Variants in DPYD observed in about 807,000 individuals in gnomAD.
DPYD encodes dihydropyrimidine dehydrogenase [NADP(+)].
A neutral mutation model predicts 116.2 loss-of-function variants in DPYD; 109 were observed. The ratio of observed to expected loss-of-function variants is 0.94; its 90% CI spans 0.80 to 1.10. DPYD has a LOEUF of 1.10. Ranked by LOEUF, DPYD falls within the 50% of genes least tolerant of loss-of-function variation. The pLI is 0.00. For synonymous variants in DPYD, 440 were observed against 432.0 expected, an observed-to-expected ratio of 1.02 and a Z score of -0.23; for missense variants, 1,302 against 1,254.5, an observed-to-expected ratio of 1.04 and a Z score of -0.57.
chr1:97,819,938 G>C (rs1668830234), intron 3 of DPYD, among the ~76,000 whole-genome samples: 1 of 151,928 alleles, frequency 6.6e-6, no homozygotes, highest in South Asian at 2.1e-4. Flanking sequence ...ACCACATATA[G>C]AAATATGCAT....
chr1:97,627,980 G>T (rs1657032241), intron 8 of DPYD, among the ~76,000 whole-genome samples: 1 of 151,992 alleles, frequency 6.6e-6, no homozygotes, highest in Admixed American at 6.6e-5. Context: ...GTAACTATCT[G>T]CTAGCAAAAA....
chr1:97,633,245 A>T (rs1657375621), intron 8 of DPYD, among the ~76,000 whole-genome samples: 1 of 152,162 alleles, frequency 6.6e-6, no homozygotes, highest in Non-Finnish European at 1.5e-5. Flanking sequence ...CAAATATGAG[A>T]TAAAGATTAT....
At chr1:97,340,882 G>C (rs1669555049) in intron 16 of DPYD, among the ~76,000 whole-genome samples, 2 of 152,084 alleles carry the variant, frequency 1.3e-5, no homozygotes, top group Admixed American at 1.3e-4. Flanking sequence ...TGAATTACTT[G>C]ACATACAGTT....
chr1:97,401,289 T>A (rs1673363971), intron 14 of DPYD, among the ~76,000 whole-genome samples: 1 of 152,100 alleles, frequency 6.6e-6, no homozygotes, highest in African/African-American at 2.4e-5. Context: ...CTTGACATTA[T>A]CTTTCACTGA....
intron 14 of DPYD, among the ~76,000 whole-genome samples, chr1:97,424,209 G>C (rs1242113534): frequency 6.6e-6 from 1 of 152,124 alleles, no homozygotes; most frequent in Non-Finnish European, 1.5e-5. Context: ...CAAAGGATAT[G>C]TGGAAAGGAT....
chr1:97,195,598 GT>G (rs1658717374), intron 19 of DPYD, among the ~76,000 whole-genome samples: 2 of 70,336 alleles, frequency 2.8e-5, no homozygotes, highest in Non-Finnish European at 5.2e-5. Context: ...ATATATATGT[GT>G]GTGTGTGTAT....
chr1:97,230,721 G>A (rs143298048), intron 19 of DPYD, among the ~76,000 whole-genome samples: 17 of 152,282 alleles, frequency 1.1e-4, no homozygotes, highest in Middle Eastern at 3.4e-3. Context: ...GCAATGTGGC[G>A]TGGGTCTAAG....
In DPYD at chr1:97,590,742, G is replaced by C. The variant is rs182834339; in HGVS notation, c.1128+2476C>G. Among the ~76,000 whole-genome samples, 117 of 152,178 alleles carry C rather than the reference G, an allele frequency of 7.7e-4. No homozygotes were observed. The Middle Eastern group carries it at 0.02, about 27-fold the overall frequency. ...GGCAGCTGAGCTCTGGCCTTCCAAGGTGCTATGCCTCTACTCTGATCCTGT... is the reference window on the plus strand; with the variant it reads ...GGCAGCTGAGCTCTGGCCTTCCAAGCTGCTATGCCTCTACTCTGATCCTGT... On this transcript the variant is annotated intron_variant, in intron 10 of 22. Coordinates refer to ENST00000370192, the MANE Select transcript of DPYD (RefSeq NM_000110.4).
At chr1:97,371,647 A>T (rs1181969548) in intron 16 of DPYD, among the ~76,000 whole-genome samples, 2 of 152,242 alleles carry the variant, frequency 1.3e-5, no homozygotes, top group African/African-American at 4.8e-5. Flanking sequence ...CCTTCCCTTT[A>T]TTTAAAATAT....
intron 3 of DPYD, among the ~76,000 whole-genome samples, chr1:97,777,328 C>T (rs1666464091): frequency 6.6e-6 from 1 of 152,154 alleles, no homozygotes; most frequent in African/African-American, 2.4e-5. Context: ...TTATGAGCAA[C>T]TACAAAGCTG....
At chr1:97,331,389 G>A (rs1202249309) in intron 16 of DPYD, among the ~76,000 whole-genome samples, 1 of 152,110 alleles carries the variant, frequency 6.6e-6, no homozygotes, top group East Asian at 1.9e-4. Context: ...GCGGCAGGAG[G>A]CTCGCTTGAG....
intron 3 of DPYD, among the ~76,000 whole-genome samples, chr1:97,753,430 C>T (rs1054020268): frequency 6.6e-6 from 1 of 152,096 alleles, no homozygotes; most frequent in African/African-American, 2.4e-5. Context: ...AGATTCAGGA[C>T]TCTTATCCAG....
At position 97,078,818 on chromosome 1, in the gene DPYD, T is replaced by C; in HGVS notation, c.*158A>G. ...TTGAATGGTCATTGACATGAGACAT[T>C]TTTTACACTTACAAATGTATTTTGA... On this transcript the variant is annotated 3_prime_UTR_variant, in exon 23 of 23. Transcript: ENST00000370192. The C allele has an allele frequency of 1.2e-6, 1 of 861,006 alleles. No homozygotes were observed. The highest frequency in any genetic ancestry group is 1.8e-6 in the Non-Finnish European group (1 of 550,762). 53.3% of individuals were successfully genotyped at this position (861,006 alleles called of 1,614,324 possible).
At chr1:97,133,872 G>A (rs999428227) in intron 20 of DPYD, among the ~76,000 whole-genome samples, 9 of 150,232 alleles carry the variant, frequency 6.0e-5, no homozygotes, top group Non-Finnish European at 1.5e-5. Flanking sequence ...TACGGCATGC[G>A]CCTGTAGTCC....
intron 2 of DPYD, among the ~76,000 whole-genome samples, chr1:97,844,830 G>T (rs1042395178): frequency 6.6e-5 from 10 of 152,312 alleles, no homozygotes; most frequent in African/African-American, 2.2e-4. Context: ...TGCCCCTGCA[G>T]TCTCAGAAGT....
At chr1:97,271,011 C>A (rs577704330) in intron 18 of DPYD, among the ~76,000 whole-genome samples, 67 of 152,314 alleles carry the variant, frequency 4.4e-4, no homozygotes, top group African/African-American at 1.6e-3. Context: ...AATGATAAGT[C>A]CTTTGACAGA....
rs375798173 is a variant in DPYD, at chr1:97,155,757, G to A, written c.2622+37312C>T. On this transcript the variant is annotated intron_variant, in intron 20 of 22. Transcript: ENST00000370192. ...ATCTTTTTTCTGAGAATTGAAAGTA[G>A]TTCCCAAATTATAGCCAACTACAAA... 2.2e-3 allele frequency among the ~76,000 whole-genome samples: 337 copies of A among 152,188 alleles called. 1 individual carries two copies. Among genetic ancestry groups the A allele is most frequent in the Non-Finnish European group, 3.3e-3 (227 of 68,010 alleles).
rs113392769 is a variant in DPYD at position 97,527,367 on chromosome 1, A to T, written c.1525-11426T>A. 1.7e-4 allele frequency among the ~76,000 whole-genome samples: 26 copies of T among 152,210 alleles called. No homozygotes were observed. In the East Asian group the frequency reaches 2.9e-3, roughly 17 times the overall value. ...GCTGGGATTACAGGCGTGAGCCACC[A>T]TGCCCAGCTGCTGCCCCCATCTTAC... is the stretch of plus-strand genomic sequence containing the variant. On this transcript the variant is annotated intron_variant, in intron 12 of 22. Coordinates refer to ENST00000370192, the MANE Select transcript of DPYD (RefSeq NM_000110.4).
chr1:97,661,568 TGATAA>T (rs547285961), intron 8 of DPYD, among the ~76,000 whole-genome samples: 2 of 152,156 alleles, frequency 1.3e-5, no homozygotes, highest in African/African-American at 2.4e-5. Flanking sequence ...TACTACGCTT[TGATAA>T]AATAAAAAAA....
Sources: gnomAD v4.1 joint callset for allele counts (sites outside exome capture counted in the v4.1 genomes callset) on GRCh38, gnomAD v4.1.1 for gene constraint, MANE v1.5 for transcripts, NCBI Gene and HGNC (gene_info 2026-07-23, HGNC 2026-07-21) for gene names.